THSD4: variants seen among roughly 807,000 people sequenced by gnomAD.
THSD4 encodes the protein thrombospondin type 1 domain containing 4, also known as thrombospondin type-1 domain-containing protein 4.
THSD4 carries 69 observed loss-of-function variants against 119.0 expected under a neutral mutation model. The observed-to-expected ratio is 0.58, with a 90% CI of 0.48 to 0.71. The LOEUF (loss-of-function observed/expected upper bound fraction) is 0.71, where lower values mean the gene tolerates loss of function less well. Among genes scored for constraint, THSD4 ranks in the 30% least tolerant of loss-of-function variants. THSD4 has a pLI of 0.00. For missense variants in THSD4, 1,393 were observed against 1,391.1 expected, an observed-to-expected ratio of 1.00 and a Z score of -0.02; for synonymous variants, 524 against 540.4, an observed-to-expected ratio of 0.97 and a Z score of 0.42.
At chr15:71,244,075 G>A (rs146442126) in intron 5 of THSD4, among the ~76,000 whole-genome samples, 7 of 148,950 alleles carry the variant, frequency 4.7e-5, no homozygotes, top group African/African-American at 1.5e-4. Context: ...GTGAGCCACC[G>A]CACCTGGCCT....
intron 15 of THSD4, among the ~76,000 whole-genome samples, chr15:71,760,494 A>C (rs2053611562): frequency 6.6e-6 from 1 of 152,218 alleles, no homozygotes; most frequent in Non-Finnish European, 1.5e-5. Context: ...CTCTGGAGGC[A>C]CAGTAGCCCA....
intron 6 of THSD4, among the ~76,000 whole-genome samples, chr15:71,377,432 C>G (rs753430136): frequency 6.6e-5 from 10 of 152,036 alleles, no homozygotes; most frequent in Non-Finnish European, 1.2e-4. Context: ...GCTGTGGACT[C>G]TGAGCCATGA....
At chr15:71,720,032 TTTTC>T (rs1376730022) in intron 8 of THSD4, among the ~76,000 whole-genome samples, 2 of 64,902 alleles carry the variant, frequency 3.1e-5, no homozygotes, top group African/African-American at 1.1e-4. Context: ...CTTTTTTTTT[TTTTC>T]TTTTTTTTTT....
intron 6 of THSD4, among the ~76,000 whole-genome samples, chr15:71,336,190 G>A (rs1452738078): frequency 6.6e-6 from 1 of 152,188 alleles, no homozygotes; most frequent in Non-Finnish European, 1.5e-5. Context: ...TTAATCAAGG[G>A]ATTTAGGGCA....
At chr15:71,540,298 C>T (rs111983060) in intron 7 of THSD4, among the ~76,000 whole-genome samples, 12,300 of 151,024 alleles carry the variant, frequency 0.081, 1,151 homozygotes, top group East Asian at 0.45. Context: ...CCACCACGCC[C>T]GGCTAATTTT....
At chr15:71,098,971 TA>T (rs2040243076) in intron 1 of THSD4, among the ~76,000 whole-genome samples, 1 of 152,180 alleles carries the variant, frequency 6.6e-6, no homozygotes. Context: ...TGTATGCAAA[TA>T]AAATTTGTTC....
chr15:71,724,287 A>ATATATTT lies in THSD4; in HGVS notation c.1358-4261_1358-4260insATATTTT. 3.2e-3 allele frequency among the ~76,000 whole-genome samples: 119 copies of ATATATTT among 37,280 alleles called. 1 individual carries two copies. Among genetic ancestry groups the ATATATTT allele is most frequent in the East Asian group, 7.0e-3 (4 of 568 alleles). The allele number at this position is 37,280 out of a possible 152,430, so 24.5% of individuals were successfully genotyped here. A position where few individuals can be genotyped will look rare whatever the true frequency, so the allele number is the denominator to read the frequency against. On this transcript the variant is annotated intron_variant, in intron 8 of 17. Coordinates refer to ENST00000261862, the MANE Select transcript of THSD4 (RefSeq NM_024817.3). ...ATGGGATATATATATATATATATAT[A>ATATATTT]TTTTTTTTTTCCCCCCAAGATGGAA...
intron 6 of THSD4, among the ~76,000 whole-genome samples, chr15:71,277,125 C>CTTTTTTTTTTTT (rs1228077875): frequency 3.7e-5 from 3 of 81,052 alleles, no homozygotes; most frequent in African/African-American, 6.0e-5. Flanking sequence ...AATTCTTCTT[C>CTTTTTTTTTTTT]TTCTTTTTTT....
chr15:71,585,266 G>A (rs1479471253), intron 7 of THSD4, among the ~76,000 whole-genome samples: 1 of 152,160 alleles, frequency 6.6e-6, no homozygotes, highest in Non-Finnish European at 1.5e-5. Context: ...TTGTAAGGAA[G>A]ACCTAATTAT....
Position 71,683,699 on chromosome 15 carries a change from G to T in THSD4, c.1357+22965G>T, listed in dbSNP as rs75839880. Among the ~76,000 whole-genome samples, 1,451 of 152,258 alleles carry T rather than the reference G, an allele frequency of 9.5e-3. 24 individuals are homozygous for T. Among genetic ancestry groups the T allele is most frequent in the African/African-American group, 0.033 (1,376 of 41,538 alleles). ...TGGTTAAAATGTTCAGTCTGGCCAG[G>T]CTCAGTGGCTTACACCTGTAATCCC... On this transcript the variant is annotated intron_variant, in intron 8 of 17. Coordinates refer to ENST00000261862, the MANE Select transcript of THSD4 (RefSeq NM_024817.3).
At chr15:71,292,821 C>T in intron 6 of THSD4, among the ~76,000 whole-genome samples, 1 of 152,034 alleles carries the variant, frequency 6.6e-6, no homozygotes, top group East Asian at 1.9e-4. Flanking sequence ...GGACTACAGG[C>T]ACCCACCACC....
At chr15:71,263,136 A>T (rs2044420856) in intron 6 of THSD4, among the ~76,000 whole-genome samples, 1 of 151,840 alleles carries the variant, frequency 6.6e-6, no homozygotes, top group South Asian at 2.1e-4. Context: ...GCCCTCTGAT[A>T]GGCTCCAGTG....
intron 6 of THSD4, among the ~76,000 whole-genome samples, chr15:71,399,086 G>T (rs2046488390): frequency 6.6e-6 from 1 of 152,040 alleles, no homozygotes; most frequent in South Asian, 2.1e-4. Context: ...GCAGTGGGAA[G>T]CTCTGCTTGG....
chr15:71,508,329 A>G (rs1300408368), intron 7 of THSD4, among the ~76,000 whole-genome samples: 1 of 152,214 alleles, frequency 6.6e-6, no homozygotes, highest in Non-Finnish European at 1.5e-5. Context: ...CTTCTCCCTC[A>G]TGCCAGTTAT....
chr15:71,292,834 G>A (rs958307813), intron 6 of THSD4, among the ~76,000 whole-genome samples: 2 of 151,834 alleles, frequency 1.3e-5, no homozygotes, highest in South Asian at 2.1e-4. Flanking sequence ...CCACCACCAC[G>A]CCCGGCTGAT....
chr15:71,455,745 G>A (rs749297259), intron 7 of THSD4, among the ~76,000 whole-genome samples: 4 of 152,172 alleles, frequency 2.6e-5, no homozygotes, highest in Non-Finnish European at 4.4e-5. Flanking sequence ...GAGGAGGGGG[G>A]TAGAAATTTG....
intron 1 of THSD4, among the ~76,000 whole-genome samples, chr15:71,134,517 A>G (rs529789202): frequency 6.6e-6 from 1 of 151,988 alleles, no homozygotes; most frequent in African/African-American, 2.4e-5. Context: ...AAGAGGGAAA[A>G]GTCTGTAAGA....
chr15:71,434,293 CATT>C (rs1566981117), intron 7 of THSD4, among the ~76,000 whole-genome samples: 1 of 152,082 alleles, frequency 6.6e-6, no homozygotes, highest in South Asian at 2.1e-4. Context: ...ATGTAACACA[CATT>C]ATGTACACAG....
At chr15:71,413,914 A>G (rs1463250289) in intron 7 of THSD4, among the ~76,000 whole-genome samples, 4 of 152,226 alleles carry the variant, frequency 2.6e-5, no homozygotes, top group Non-Finnish European at 5.9e-5. Flanking sequence ...CCTGCTTCTA[A>G]ATGTTACTGA....
Sources: allele counts gnomAD v4.1 joint callset (sites outside exome capture counted in the v4.1 genomes callset), GRCh38; gene constraint gnomAD v4.1.1; transcripts MANE v1.5; gene names NCBI Gene and HGNC (gene_info 2026-07-23, HGNC 2026-07-21).